Variants in CNTN4 observed in about 807,000 individuals in gnomAD.
CNTN4 encodes the protein contactin 4.
In CNTN4, 77 loss-of-function variants were observed where a neutral mutation model predicts 122.5. The observed-to-expected ratio is 0.63, with a 90% CI of 0.52 to 0.76. CNTN4 has a LOEUF of 0.76. Ranked by LOEUF, CNTN4 falls within the 30% of genes least tolerant of loss-of-function variation. The pLI is 0.00. For synonymous variants in CNTN4, 512 were observed against 447.0 expected (o/e 1.15, Z -1.83); for missense variants, 1,256 against 1,259.1 (o/e 1.00, Z 0.04).
chr3:2,294,977 T>G (rs1344911694), intron 2 of CNTN4, among the ~76,000 whole-genome samples: 1 of 152,092 alleles, frequency 6.6e-6, no homozygotes, highest in Non-Finnish European at 1.5e-5. Flanking sequence ...GGTTTCCAAT[T>G]TCATCCATGT....
chr3:2,930,291 G>A (rs2094508268), intron 13 of CNTN4, among the ~76,000 whole-genome samples: 1 of 152,260 alleles, frequency 6.6e-6, no homozygotes, highest in African/African-American at 2.4e-5. Flanking sequence ...CCACAGAAAA[G>A]GATGATGATT....
At chr3:2,600,249 A>T (rs1216096838) in intron 4 of CNTN4, among the ~76,000 whole-genome samples, 1 of 151,816 alleles carries the variant, frequency 6.6e-6, no homozygotes, top group Non-Finnish European at 1.5e-5. Context: ...ACATGTGTAC[A>T]ACCTGCAGGT....
At chr3:2,121,512 A>T (rs1378501675) in intron 2 of CNTN4, among the ~76,000 whole-genome samples, 1 of 149,210 alleles carries the variant, frequency 6.7e-6, no homozygotes, top group Non-Finnish European at 1.5e-5. Flanking sequence ...AAAAAAAAAA[A>T]AATGAAGTTG....
At chr3:2,121,937 G>A (rs1374000461) in intron 2 of CNTN4, among the ~76,000 whole-genome samples, 1 of 152,004 alleles carries the variant, frequency 6.6e-6, no homozygotes, top group Admixed American at 6.6e-5. Context: ...AGGCCGAGGT[G>A]GGCGGATCAC....
chr3:2,666,432 C>T (rs923335879), intron 4 of CNTN4, among the ~76,000 whole-genome samples: 1 of 152,036 alleles, frequency 6.6e-6, no homozygotes, highest in Non-Finnish European at 1.5e-5. Flanking sequence ...AGGGAAAAAA[C>T]ATTTTCCTTT....
chr3:2,807,061 T>G (rs1299217505), intron 6 of CNTN4, among the ~76,000 whole-genome samples: 3 of 152,344 alleles, frequency 2.0e-5, no homozygotes. Context: ...TGCTTTGTTT[T>G]GTTTTGTCAG....
chr3:2,674,791 A>C (rs886688553), intron 4 of CNTN4, among the ~76,000 whole-genome samples: 6 of 152,244 alleles, frequency 3.9e-5, no homozygotes, highest in East Asian at 3.9e-4. Flanking sequence ...AAAAAAAAAA[A>C]AAACCATTAA....
At chr3:2,295,019 A>G (rs2042258800) in intron 2 of CNTN4, among the ~76,000 whole-genome samples, 1 of 151,850 alleles carries the variant, frequency 6.6e-6, no homozygotes, top group Admixed American at 6.6e-5. Context: ...ATCATTTTTT[A>G]TGGCTGCATA....
At chr3:2,182,118 T>A (rs2037042593) in intron 2 of CNTN4, among the ~76,000 whole-genome samples, 1 of 152,130 alleles carries the variant, frequency 6.6e-6, no homozygotes, top group Admixed American at 6.6e-5. Flanking sequence ...TTGCAACATG[T>A]TTTGGACAGT....
At chr3:2,153,516 AAC>A (rs1335250160) in intron 2 of CNTN4, among the ~76,000 whole-genome samples, 1 of 152,152 alleles carries the variant, frequency 6.6e-6, no homozygotes, top group East Asian at 1.9e-4. Context: ...AGTGATTTTA[AAC>A]ACGAATATAG....
intron 3 of CNTN4, among the ~76,000 whole-genome samples, chr3:2,388,848 C>CA (rs1241549704): frequency 1.3e-5 from 2 of 149,618 alleles, no homozygotes; most frequent in Middle Eastern, 3.6e-3. Context: ...CTGTCTCAAA[C>CA]AAAAAACAAA....
intron 13 of CNTN4, among the ~76,000 whole-genome samples, chr3:2,947,845 A>G (rs1447886659): frequency 6.6e-6 from 1 of 152,252 alleles, no homozygotes; most frequent in Non-Finnish European, 1.5e-5. Flanking sequence ...AGTGCCTGGT[A>G]GATAAAACGG....
intron 3 of CNTN4, among the ~76,000 whole-genome samples, chr3:2,491,932 C>G (rs551688282): frequency 2.6e-5 from 4 of 152,022 alleles, no homozygotes; most frequent in Non-Finnish European, 4.4e-5. Context: ...TTTCATAAAT[C>G]TATACTGTAA....
chr3:2,240,707 C>G (rs2039897462), intron 2 of CNTN4, among the ~76,000 whole-genome samples: 2 of 152,028 alleles, frequency 1.3e-5, no homozygotes, highest in Admixed American at 6.6e-5. Flanking sequence ...ATGGTAATGT[C>G]AAGCAACGAA....
At chr3:2,896,147 G>T (rs552412973) in intron 10 of CNTN4, among the ~76,000 whole-genome samples, 2 of 152,142 alleles carry the variant, frequency 1.3e-5, no homozygotes, top group South Asian at 2.1e-4. Context: ...TCCCCAGACT[G>T]CATTTCCAAA....
At chr3:2,163,623 C>G (rs56090662) in intron 2 of CNTN4, among the ~76,000 whole-genome samples, 61 of 151,612 alleles carry the variant, frequency 4.0e-4, no homozygotes, top group African/African-American at 1.5e-3. Context: ...ACTAAAATAT[C>G]GAGAATCTGC....
At chr3:2,266,683 A>C (rs1013610901) in intron 2 of CNTN4, among the ~76,000 whole-genome samples, 2 of 152,170 alleles carry the variant, frequency 1.3e-5, no homozygotes, top group Middle Eastern at 3.4e-3. Context: ...AATGTCTTCT[A>C]TGCAAACCAA....
intron 2 of CNTN4, among the ~76,000 whole-genome samples, chr3:2,220,327 G>A (rs1685512): frequency 0.3 from 45,889 of 151,982 alleles, 7,345 homozygotes; most frequent in African/African-American, 0.37. Flanking sequence ...TTTTCCCACT[G>A]TGGTAACAAT....
chr3:2,143,503 T>G (rs2035102837), intron 2 of CNTN4, among the ~76,000 whole-genome samples: 1 of 152,222 alleles, frequency 6.6e-6, no homozygotes, highest in African/African-American at 2.4e-5. Context: ...TATTCTCGAT[T>G]TAGACATAAA....
Sources: gnomAD v4.1 joint callset for allele counts (sites outside exome capture counted in the v4.1 genomes callset) on GRCh38, gnomAD v4.1.1 for gene constraint, MANE v1.5 for transcripts, NCBI Gene and HGNC (gene_info 2026-07-23, HGNC 2026-07-21) for gene names.